ALKBH3: variants seen among roughly 807,000 people sequenced by gnomAD.
ALKBH3 encodes the protein alpha-ketoglutarate-dependent dioxygenase alkB homolog 3.
Under a neutral mutation model 43.9 loss-of-function variants are expected in ALKBH3, and 51 were observed. The ratio of observed to expected loss-of-function variants is 1.16; its 90% confidence interval spans 0.93 to 1.47. The LOEUF (loss-of-function observed/expected upper bound fraction) is 1.47, where lower values mean the gene tolerates loss of function less well. Among genes scored for constraint, ALKBH3 ranks in the 40% most tolerant of loss-of-function variants. The pLI, the probability that ALKBH3 is intolerant of heterozygous loss-of-function variation, is 0.00. For synonymous variants in ALKBH3, 102 were observed against 115.2 expected, an observed-to-expected ratio of 0.89 and a Z score of 0.73; for missense variants, 361 against 351.9, an observed-to-expected ratio of 1.03 and a Z score of -0.21.
chr11:43,884,315 CAG>C (rs1420548438), intron 4 of ALKBH3, among the ~76,000 whole-genome samples: 4 of 150,976 alleles, frequency 2.6e-5, no homozygotes, highest in East Asian at 3.9e-4. Context: ...CAGGCAAAGA[CAG>C]AGAGGGATTT....
At chr11:43,889,656 C>G (rs1951769605) in intron 5 of ALKBH3, 69 bp from the exon 6 acceptor site, 4 of 1,351,880 alleles carry the variant, frequency 3.0e-6, no homozygotes, top group African/African-American at 1.4e-5. Flanking sequence ...TTAACTGTTT[C>G]CACTAACATT....
At chr11:43,900,871 C>T (rs1319782795) in intron 7 of ALKBH3, among the ~76,000 whole-genome samples, 2 of 152,128 alleles carry the variant, frequency 1.3e-5, no homozygotes, top group African/African-American at 2.4e-5. Flanking sequence ...GGCCGTGGAA[C>T]CTGTTTAAGT....
intron 7 of ALKBH3, chr11:43,899,096 A>G: frequency 1.3e-6 from 1 of 757,940 alleles, no homozygotes; most frequent in Non-Finnish European, 2.5e-6. Flanking sequence ...ACATGTACAA[A>G]GGGGACATTG....
At chr11:43,913,592 A>T (rs1396228459) in intron 8 of ALKBH3, among the ~76,000 whole-genome samples, 1 of 152,244 alleles carries the variant, frequency 6.6e-6, no homozygotes, top group Non-Finnish European at 1.5e-5. Context: ...TTCTACCTCT[A>T]GATTTAATTC....
At chr11:43,899,188 C>T (rs971785583) in intron 7 of ALKBH3, 2 of 769,382 alleles carry the variant, frequency 2.6e-6, no homozygotes, top group Non-Finnish European at 4.8e-6. Context: ...CAGGTGGGAA[C>T]AATGTGCAGC....
At chr11:43,899,851 A>G (rs904365356) in intron 7 of ALKBH3, among the ~76,000 whole-genome samples, 2 of 150,750 alleles carry the variant, frequency 1.3e-5, no homozygotes, top group Non-Finnish European at 2.9e-5. Context: ...TATACCAATT[A>G]AAAGATTGAC....
chr11:43,919,185 C>A, intron 9 of ALKBH3, 49 bp downstream of exon 9: 1 of 1,488,454 alleles, frequency 6.7e-7, no homozygotes, highest in Non-Finnish European at 9.4e-7. Flanking sequence ...GAGGCAGTTT[C>A]CTGACTCTGA....
intron 8 of ALKBH3, among the ~76,000 whole-genome samples, chr11:43,913,265 C>T (rs904236414): frequency 2.0e-5 from 3 of 151,826 alleles, no homozygotes; most frequent in East Asian, 3.9e-4. Flanking sequence ...TTGTCTGTCA[C>T]GGGGGTTTGG....
chr11:43,893,986 T>C (rs1050611430), intron 7 of ALKBH3, among the ~76,000 whole-genome samples: 3 of 152,196 alleles, frequency 2.0e-5, no homozygotes, highest in African/African-American at 7.2e-5. Context: ...TTAATAGTTG[T>C]GATTATCGGC....
intron 7 of ALKBH3, chr11:43,898,763 G>GGAC (rs1378725875): frequency 1.1e-5 from 8 of 742,804 alleles, no homozygotes; most frequent in African/African-American, 5.2e-5. Flanking sequence ...CCTGTGCTCT[G>GGAC]GACGCTGGTT....
intron 7 of ALKBH3, among the ~76,000 whole-genome samples, chr11:43,900,576 T>C (rs1590374242): frequency 6.6e-6 from 1 of 152,188 alleles, no homozygotes; most frequent in Non-Finnish European, 1.5e-5. Flanking sequence ...TTAGTTTTAA[T>C]TTTAAATATC....
At chr11:43,906,934 C>T (rs1951900022) in intron 8 of ALKBH3, among the ~76,000 whole-genome samples, 1 of 152,086 alleles carries the variant, frequency 6.6e-6, no homozygotes, top group South Asian at 2.1e-4. Flanking sequence ...CAAGTTTTCC[C>T]ATGAAAGTTG....
intron 8 of ALKBH3, among the ~76,000 whole-genome samples, chr11:43,905,593 G>A (rs556776069): frequency 4.5e-4 from 69 of 152,114 alleles, no homozygotes; most frequent in Admixed American, 1.3e-3. Flanking sequence ...CATTCATTCC[G>A]ATTCCTTTTT....
chr11:43,889,829 G>C lies in ALKBH3; in HGVS notation c.370+1G>C. ...AAACAGAGGACTGGCATCAGAGAGG[G>C]TAAGTAGATCCCAGAGGTCACAGTT... On this transcript the variant is annotated splice_donor_variant, in intron 6 of 9. Transcript: ENST00000302708. LOFTEE classifies it high-confidence loss of function. 6.2e-7 allele frequency: 1 copy of C among 1,609,176 alleles called. No homozygotes were observed. The highest frequency in any genetic ancestry group is 8.5e-7 in the Non-Finnish European group (1 of 1,175,602).
chr11:43,891,098 A>G (rs1047925693), intron 6 of ALKBH3, among the ~76,000 whole-genome samples: 6 of 152,210 alleles, frequency 3.9e-5, no homozygotes, highest in African/African-American at 1.4e-4. Context: ...GAACCCACAG[A>G]TATGAAAGAC....
intron 5 of ALKBH3, 22 bp downstream of exon 5, chr11:43,886,675 G>A (rs748551092): frequency 6.2e-7 from 1 of 1,610,420 alleles, no homozygotes; most frequent in Non-Finnish European, 8.5e-7. Flanking sequence ...CTCACAAGAA[G>A]TGACCGTAAT....
intron 7 of ALKBH3, among the ~76,000 whole-genome samples, chr11:43,894,343 C>T (rs910117562): frequency 6.6e-6 from 1 of 152,122 alleles, no homozygotes; most frequent in Non-Finnish European, 1.5e-5. Context: ...TTCTGTGATT[C>T]ATATTTTTTG....
chr11:43,888,516 T>G (rs1282237751), intron 5 of ALKBH3, among the ~76,000 whole-genome samples: 2 of 152,206 alleles, frequency 1.3e-5, no homozygotes, highest in Non-Finnish European at 2.9e-5. Context: ...AATGCATGAG[T>G]ATACTAATTG....
intron 7 of ALKBH3, among the ~76,000 whole-genome samples, chr11:43,895,029 TGTA>T (rs1479748114): frequency 5.3e-5 from 8 of 152,238 alleles, no homozygotes; most frequent in African/African-American, 1.4e-4. Flanking sequence ...AATATTATAA[TGTA>T]GTATCCACAA....
Sources: allele counts gnomAD v4.1 joint callset (sites outside exome capture counted in the v4.1 genomes callset), GRCh38; gene constraint gnomAD v4.1.1; transcripts MANE v1.5; gene names NCBI Gene and HGNC (gene_info 2026-07-23, HGNC 2026-07-21).